ITPR1: variants seen among roughly 807,000 people sequenced by gnomAD.
The protein encoded by ITPR1 is inositol 1,4,5-trisphosphate-gated calcium channel ITPR1.
A neutral mutation model predicts 318.4 loss-of-function variants in ITPR1; 96 were observed. The ratio of observed to expected loss-of-function variants is 0.30; its 90% CI spans 0.26 to 0.36. ITPR1 has a LOEUF of 0.36. Ranked by LOEUF, ITPR1 falls within the 10% of genes least tolerant of loss-of-function variation. ITPR1 has a pLI of 1.00. For synonymous variants in ITPR1, 1,312 were observed against 1,289.9 expected, an observed-to-expected ratio of 1.02 and a Z score of -0.37; for missense variants, 2,440 against 3,460.2, an observed-to-expected ratio of 0.71 and a Z score of 7.40.
At chr3:4,651,131 C>G (rs1034334923) in intron 10 of ITPR1, among the ~76,000 whole-genome samples, 3 of 152,132 alleles carry the variant, frequency 2.0e-5, no homozygotes, top group African/African-American at 7.2e-5. Flanking sequence ...TTTGGCTTTC[C>G]AGAATCAGGA....
intron 2 of ITPR1, among the ~76,000 whole-genome samples, chr3:4,499,585 A>G (rs1458202056): frequency 6.6e-6 from 1 of 152,262 alleles, no homozygotes; most frequent in East Asian, 1.9e-4. Context: ...TAAGGTAAAT[A>G]CATTACAAAT....
At chr3:4,527,534 T>C (rs1459569716) in intron 4 of ITPR1, among the ~76,000 whole-genome samples, 1 of 152,160 alleles carries the variant, frequency 6.6e-6, no homozygotes, top group East Asian at 1.9e-4. Context: ...GTATGTTACT[T>C]ACAGTAGGAT....
At chr3:4,745,302 C>G (rs1233565900) in intron 44 of ITPR1, among the ~76,000 whole-genome samples, 1 of 152,042 alleles carries the variant, frequency 6.6e-6, no homozygotes, top group Non-Finnish European at 1.5e-5. Flanking sequence ...AGGATGTACT[C>G]CATCACCCCA....
chr3:4,500,480 G>A (rs1173320585), intron 2 of ITPR1, among the ~76,000 whole-genome samples: 2 of 131,818 alleles, frequency 1.5e-5, no homozygotes, highest in Non-Finnish European at 3.5e-5. Context: ...GGGATTACAG[G>A]CGTGAGACCA....
chr3:4,694,045 C>A (rs555997198), intron 33 of ITPR1, among the ~76,000 whole-genome samples: 1 of 152,216 alleles, frequency 6.6e-6, no homozygotes, highest in East Asian at 1.9e-4. Context: ...ATGAACTTTT[C>A]AGAAATGTGA....
At position 4,814,455 on chromosome 3, in the gene ITPR1, A is replaced by G. The variant is rs367632214; in HGVS notation, c.7594A>G (p.Lys2532Glu). Residue 2532 changes from lysine to glutamate, a missense_variant, in exon 58 of 62, where the codon AAA (lysine) becomes GAA (glutamate). This residue lies in a region of ITPR1 where 88 missense variants were observed against 90.5 expected (regional missense o/e 0.97). Transcript: ENST00000649015. ...LVPAEETEQD[K>E]EHTCETLLMC... Reference sequence around the variant, plus strand: ...CCCTGCAGAAGAGACGGAACAGGATAAAGAGCACACATGTGAGACGCTGCT... The same window carrying G: ...CCCTGCAGAAGAGACGGAACAGGATGAAGAGCACACATGTGAGACGCTGCT... The G allele has an allele frequency of 1.2e-6, 2 of 1,613,838 alleles. No individual in the cohort carries two copies. Among genetic ancestry groups the G allele is most frequent in the African/African-American group, 2.7e-5 (2 of 74,924 alleles).
At chr3:4,603,116 C>G (rs749058866) in intron 4 of ITPR1, among the ~76,000 whole-genome samples, 6 of 151,812 alleles carry the variant, frequency 4.0e-5, no homozygotes, top group Non-Finnish European at 7.4e-5. Context: ...GACTACAAAA[C>G]AAGTGAAAAA....
intron 4 of ITPR1, among the ~76,000 whole-genome samples, chr3:4,530,884 C>T (rs1210988986): frequency 6.6e-6 from 1 of 152,088 alleles, no homozygotes; most frequent in Non-Finnish European, 1.5e-5. Context: ...CTCCTTGACT[C>T]CTAATGTTTG....
intron 4 of ITPR1, among the ~76,000 whole-genome samples, chr3:4,622,599 T>C (rs1575766730): frequency 6.6e-6 from 1 of 152,036 alleles, no homozygotes; most frequent in Non-Finnish European, 1.5e-5. Flanking sequence ...AATTTTTGTA[T>C]TTTTAGTAGA....
chr3:4,790,366 T>C (rs1212907406), intron 52 of ITPR1, among the ~76,000 whole-genome samples: 4 of 152,230 alleles, frequency 2.6e-5, no homozygotes, highest in East Asian at 1.9e-4. Context: ...CCAAGACTTA[T>C]ATTATATTGT....
intron 60 of ITPR1, among the ~76,000 whole-genome samples, chr3:4,822,451 A>C (rs1184206159): frequency 6.6e-6 from 1 of 152,152 alleles, no homozygotes; most frequent in Non-Finnish European, 1.5e-5. Context: ...TTAAATCTTT[A>C]AGTGTCCTTC....
intron 46 of ITPR1, among the ~76,000 whole-genome samples, chr3:4,775,026 A>C (rs183466681): frequency 7.2e-4 from 109 of 152,326 alleles, no homozygotes; most frequent in African/African-American, 2.4e-3. Flanking sequence ...TACACCTTGG[A>C]GAGCAGGTTG....
At position 4,711,886 on chromosome 3, in the gene ITPR1, C is replaced by T. The variant is rs1390525012; in HGVS notation, c.5103+18C>T. 7.6e-7 allele frequency: 1 copy of T among 1,320,064 alleles called. No individual in the cohort carries two copies. Among genetic ancestry groups the T allele is most frequent in the East Asian group, 2.6e-5 (1 of 39,052 alleles). 81.8% of individuals were successfully genotyped at this position (1,320,064 alleles called of 1,614,324 possible). ...GAGAAAAGGTACTGCATTTTATTTTCATGGTCAAACCAGGTTTTACTATGA... is the reference window on the plus strand; with the variant it reads ...GAGAAAAGGTACTGCATTTTATTTTTATGGTCAAACCAGGTTTTACTATGA... On this transcript the variant is annotated intron_variant, in intron 39 of 61. Transcript: ENST00000649015.
At chr3:4,755,898 C>T (rs2044934438) in intron 44 of ITPR1, among the ~76,000 whole-genome samples, 2 of 152,210 alleles carry the variant, frequency 1.3e-5, no homozygotes, top group Non-Finnish European at 2.9e-5. Context: ...TGCTTCACTT[C>T]ATCGCTTCCT....
chr3:4,766,743 C>A, intron 45 of ITPR1, 33 bp downstream of exon 45: 2 of 1,520,304 alleles, frequency 1.3e-6, no homozygotes, highest in Middle Eastern at 1.8e-4. Flanking sequence ...TCAGCTGGAT[C>A]ATGAACACCA....
At chr3:4,821,696 C>T (rs2049731555) in intron 60 of ITPR1, among the ~76,000 whole-genome samples, 1 of 152,214 alleles carries the variant, frequency 6.6e-6, no homozygotes, top group African/African-American at 2.4e-5. Context: ...AACAGCCTGT[C>T]TAGATCAGAT....
intron 44 of ITPR1, among the ~76,000 whole-genome samples, chr3:4,738,516 C>T (rs966598457): frequency 7.2e-5 from 11 of 152,130 alleles, no homozygotes; most frequent in South Asian, 4.1e-4. Context: ...GGCTTGGCAT[C>T]GGGATGACCA....
chr3:4,645,472 T>C lies in ITPR1; in HGVS notation c.708+2T>C. On this transcript the variant is annotated splice_donor_variant, in intron 9 of 61. Coordinates refer to ENST00000649015, the MANE Select transcript of ITPR1 (RefSeq NM_001378452.1). LOFTEE classifies it high-confidence loss of function. Reference sequence around the variant, plus strand: ...AACAAAGACGACATATTAAAGGGGGTGAGTTTGATGCTTTATGGGCTGAGC... The same window carrying C: ...AACAAAGACGACATATTAAAGGGGGCGAGTTTGATGCTTTATGGGCTGAGC... 1 of 1,610,464 alleles carries C rather than the reference T, an allele frequency of 6.2e-7. No individual in the cohort carries two copies. Among genetic ancestry groups the C allele is most frequent in the Non-Finnish European group, 8.5e-7 (1 of 1,176,806 alleles).
At chr3:4,619,142 T>C (rs961307305) in intron 4 of ITPR1, among the ~76,000 whole-genome samples, 2 of 152,198 alleles carry the variant, frequency 1.3e-5, no homozygotes, top group Admixed American at 1.3e-4. Flanking sequence ...TTATTCTTAT[T>C]CCTCTTCTTT....
Sources: allele counts gnomAD v4.1 joint callset (sites outside exome capture counted in the v4.1 genomes callset), GRCh38; gene constraint gnomAD v4.1.1; regional missense constraint gnomAD v4.1.1; transcripts MANE v1.5; gene names NCBI Gene and HGNC (gene_info 2026-07-23, HGNC 2026-07-21).